The following GRK3 variants were observed in gnomAD, a reference collection of about 807,000 sequenced individuals.
GRK3 encodes adrenergic, beta, receptor kinase 2.
GRK3 carries 54 observed loss-of-function variants against 95.7 expected under a neutral mutation model. The observed-to-expected ratio is 0.56, with a 90% confidence interval of 0.45 to 0.71. The LOEUF is 0.71. Ranked by LOEUF, GRK3 falls within the 30% of genes least tolerant of loss-of-function variation. GRK3 has a pLI of 0.00. For missense variants in GRK3, 649 were observed against 851.2 expected (o/e 0.76, Z 2.96); for synonymous variants, 281 against 290.8 (o/e 0.97, Z 0.34).
chr22:25,647,488 TC>T, intron 3 of GRK3: 5 of 1,382,830 alleles, frequency 3.6e-6, no homozygotes, highest in Non-Finnish European at 5.1e-6. Context: ...GTGGGCATCT[TC>T]CTCATTCTCA....
intron 13 of GRK3, among the ~76,000 whole-genome samples, chr22:25,699,294 G>T (rs1323183758): frequency 6.6e-6 from 1 of 152,196 alleles, no homozygotes; most frequent in Admixed American, 6.5e-5. Flanking sequence ...CGGGGCCTAA[G>T]AAATCAACTG....
chr22:25,591,827 AT>A (rs1249214261), intron 1 of GRK3, among the ~76,000 whole-genome samples: 1 of 152,164 alleles, frequency 6.6e-6, no homozygotes, highest in Non-Finnish European at 1.5e-5. Flanking sequence ...TTCATAGTTC[AT>A]TCATTTTATT....
intron 9 of GRK3, among the ~76,000 whole-genome samples, chr22:25,680,239 G>C (rs934257891): frequency 2.0e-5 from 3 of 152,182 alleles, no homozygotes; most frequent in African/African-American, 4.8e-5. Context: ...CACTGTATGG[G>C]CATTAAGCAT....
intron 2 of GRK3, among the ~76,000 whole-genome samples, chr22:25,619,885 C>G (rs1018492615): frequency 2.0e-5 from 3 of 151,920 alleles, no homozygotes; most frequent in Admixed American, 1.3e-4. Flanking sequence ...CTACTTGTTG[C>G]CAGGAGAAAG....
At chr22:25,591,892 A>G (rs559368827) in intron 1 of GRK3, among the ~76,000 whole-genome samples, 7 of 152,242 alleles carry the variant, frequency 4.6e-5, no homozygotes, top group African/African-American at 1.7e-4. Flanking sequence ...CATTGTGGCT[A>G]TTGTGTTGCT....
chr22:25,696,664 A>T (rs1365778990), intron 13 of GRK3, among the ~76,000 whole-genome samples: 2 of 152,196 alleles, frequency 1.3e-5, no homozygotes, highest in Non-Finnish European at 2.9e-5. Context: ...ACTGAGCACC[A>T]CTGCATCTTA....
chr22:25,596,461 G>A (rs2084373174), intron 1 of GRK3, among the ~76,000 whole-genome samples: 1 of 152,118 alleles, frequency 6.6e-6, no homozygotes, highest in Non-Finnish European at 1.5e-5. Context: ...TATATTACTT[G>A]CATTTTAAAC....
chr22:25,605,830 G>C (rs1385396792), intron 2 of GRK3, among the ~76,000 whole-genome samples: 1 of 152,228 alleles, frequency 6.6e-6, no homozygotes, highest in Non-Finnish European at 1.5e-5. Context: ...ATCACACACT[G>C]TGTGTCCTTT....
At chr22:25,647,998 C>A in intron 3 of GRK3, 1 of 485,886 alleles carries the variant, frequency 2.1e-6, no homozygotes, top group Non-Finnish European at 3.7e-6. Flanking sequence ...TGCCTGTAAT[C>A]CCAGCTACTC....
At chr22:25,678,570 A>C (rs1283983071) in intron 8 of GRK3, among the ~76,000 whole-genome samples, 1 of 152,266 alleles carries the variant, frequency 6.6e-6, no homozygotes, top group African/African-American at 2.4e-5. Context: ...ATGTCCATCT[A>C]CTTTATCATT....
At chr22:25,677,268 C>A (rs5996965) in intron 8 of GRK3, among the ~76,000 whole-genome samples, 1 of 150,708 alleles carries the variant, frequency 6.6e-6, no homozygotes, top group African/African-American at 2.4e-5. Context: ...TCCAGCTACT[C>A]TGGAGGCTGA....
intron 19 of GRK3, among the ~76,000 whole-genome samples, chr22:25,718,889 G>A (rs2085408009): frequency 6.6e-6 from 1 of 151,878 alleles, no homozygotes; most frequent in Non-Finnish European, 1.5e-5. Context: ...GCGGGAAAAA[G>A]AAATTTAAAA....
At chr22:25,674,358 A>C in intron 7 of GRK3, 79 bp from the exon 8 acceptor site, 1 of 1,126,682 alleles carries the variant, frequency 8.9e-7, no homozygotes, top group Non-Finnish European at 1.3e-6. Context: ...ATTACTGTCT[A>C]TGTTTTGCAT....
At chr22:25,637,053 A>G (rs1468455456) in intron 2 of GRK3, among the ~76,000 whole-genome samples, 2 of 152,208 alleles carry the variant, frequency 1.3e-5, no homozygotes, top group African/African-American at 4.8e-5. Flanking sequence ...GCCTGCAGGA[A>G]TAGAACAAAA....
intron 13 of GRK3, among the ~76,000 whole-genome samples, chr22:25,701,404 T>C (rs1274160728): frequency 2.0e-5 from 3 of 152,236 alleles, no homozygotes; most frequent in African/African-American, 4.8e-5. Flanking sequence ...AGATTTCAAC[T>C]TGAAAGACCA....
intron 12 of GRK3, among the ~76,000 whole-genome samples, chr22:25,694,750 T>C (rs1407534309): frequency 6.6e-6 from 1 of 152,186 alleles, no homozygotes; most frequent in Non-Finnish European, 1.5e-5. Flanking sequence ...ATCCGTTCAC[T>C]CCTCCCTTTC....
intron 2 of GRK3, among the ~76,000 whole-genome samples, chr22:25,624,432 C>T (rs1443630539): frequency 1.3e-5 from 2 of 151,990 alleles, no homozygotes; most frequent in Non-Finnish European, 2.9e-5. Context: ...GGTGTGGTGG[C>T]GGGCACCTGT....
intron 2 of GRK3, among the ~76,000 whole-genome samples, chr22:25,609,080 A>G (rs778510412): frequency 1.8e-4 from 28 of 152,232 alleles, no homozygotes; most frequent in Non-Finnish European, 3.5e-4. Flanking sequence ...ACATTGACAC[A>G]GTATGTTTGG....
chr22:25,678,552 A>G (rs2085050659), intron 8 of GRK3, among the ~76,000 whole-genome samples: 1 of 152,276 alleles, frequency 6.6e-6, no homozygotes, highest in African/African-American at 2.4e-5. Context: ...GTCATAATAA[A>G]ATTATTTATG....
Sources: gnomAD v4.1 joint callset for allele counts (sites outside exome capture counted in the v4.1 genomes callset) on GRCh38, gnomAD v4.1.1 for gene constraint, MANE v1.5 for transcripts, NCBI Gene and HGNC (gene_info 2026-07-23, HGNC 2026-07-21) for gene names.